The following KATNA1 variants were observed in gnomAD, a reference collection of about 807,000 sequenced individuals.
KATNA1 encodes katanin catalytic subunit A1.
A neutral mutation model predicts 62.6 loss-of-function variants in KATNA1; 42 were observed. That is an observed-to-expected ratio of 0.67 (90% CI 0.52 to 0.87). The LOEUF is 0.87. KATNA1 is among the 40% of genes least tolerant of loss of function. The probability of loss-of-function intolerance (pLI) is 0.00; values close to 1 mark genes in which losing one functional copy is unlikely to be tolerated. For missense variants in KATNA1, 498 were observed against 612.5 expected (o/e 0.81, Z 1.97); for synonymous variants, 186 against 201.9 (o/e 0.92, Z 0.67).
Position 149,623,248 on chromosome 6 carries a change from T to G in KATNA1, c.356A>C (p.Gln119Pro). ...ACCATGTGATTTAGGGTCACTGTAC[T>G]GAGAAGATTGGCGTTTTCTAGGTCC... ...SPGPRKRQSS[Q>P]YSDPKSHGNR... Residue 119 changes from glutamine to proline, a missense_variant, in exon 4 of 11, where the codon CAG becomes CCG. Transcript: ENST00000367411. 1 of 1,602,908 alleles carries G rather than the reference T, an allele frequency of 6.2e-7. No individual in the cohort carries two copies. Among genetic ancestry groups the G allele is most frequent in the Non-Finnish European group, 8.5e-7 (1 of 1,177,456 alleles).
intron 8 of KATNA1, 148 bp from the exon 9 acceptor site, chr6:149,597,789 A>T (rs1778384660): frequency 1.5e-6 from 1 of 674,356 alleles, no homozygotes; most frequent in Non-Finnish European, 2.5e-6. Context: ...GTTAACTGGT[A>T]CCTATGTGAA....
chr6:149,644,952 G>T (rs980500380), intron 1 of KATNA1, among the ~76,000 whole-genome samples: 1 of 152,112 alleles, frequency 6.6e-6, no homozygotes, highest in Non-Finnish European at 1.5e-5. Context: ...CTAATTGTTA[G>T]CCGAAAATAA....
At chr6:149,598,672 G>T (rs1300204169) in intron 7 of KATNA1, among the ~76,000 whole-genome samples, 1 of 151,956 alleles carries the variant, frequency 6.6e-6, no homozygotes, top group African/African-American at 2.4e-5. Flanking sequence ...AGTGAGCTAT[G>T]ATCACACCAC....
chr6:149,638,800 G>T (rs1420934715), intron 1 of KATNA1, among the ~76,000 whole-genome samples: 1 of 129,754 alleles, frequency 7.7e-6, no homozygotes, highest in East Asian at 2.7e-4. Flanking sequence ...GCAATGGCAT[G>T]ATCTCGGCTC....
chr6:149,601,484 T>C, intron 7 of KATNA1, 110 bp downstream of exon 7: 1 of 918,046 alleles, frequency 1.1e-6, no homozygotes, highest in Non-Finnish European at 1.6e-6. Context: ...ACTCATACTC[T>C]GGGCAAAATG....
intron 6 of KATNA1, among the ~76,000 whole-genome samples, chr6:149,603,066 A>G (rs1323316926): frequency 1.3e-5 from 2 of 152,178 alleles, no homozygotes; most frequent in African/African-American, 4.8e-5. Context: ...CAAAGATCAC[A>G]TTGTATGTAT....
chr6:149,610,508 C>T (rs1043050246), intron 4 of KATNA1, among the ~76,000 whole-genome samples: 1 of 152,084 alleles, frequency 6.6e-6, no homozygotes, highest in Non-Finnish European at 1.5e-5. Flanking sequence ...GAAGTATATT[C>T]TCAAAGCACA....
At chr6:149,642,056 C>A (rs1582814043) in intron 1 of KATNA1, among the ~76,000 whole-genome samples, 2 of 152,168 alleles carry the variant, frequency 1.3e-5, no homozygotes, top group South Asian at 4.1e-4. Context: ...GCGCTCACCA[C>A]CATGCCCAGC....
In KATNA1 at chr6:149,626,859, C is replaced by T. The variant is rs79022675; in HGVS notation, c.321-3576G>A. On this transcript the variant is annotated intron_variant, in intron 3 of 10. Coordinates refer to ENST00000367411, the MANE Select transcript of KATNA1 (RefSeq NM_007044.4). ...ATTAGCCTGGCCTGGTGGCAGGCGC[C>T]TATAATCCCAGTTACTTGGAAAGCT... is the stretch of plus-strand genomic sequence containing the variant. 3.7e-3 allele frequency among the ~76,000 whole-genome samples: 554 copies of T among 151,492 alleles called. 13 individuals are homozygous for T. Among genetic ancestry groups the T allele is most frequent in the African/African-American group, 0.013 (528 of 41,112 alleles).
chr6:149,604,631 A>G (rs1554221494), intron 5 of KATNA1, 30 bp downstream of exon 5: 2 of 1,611,830 alleles, frequency 1.2e-6, no homozygotes, highest in South Asian at 2.2e-5. Context: ...CATCACCAGC[A>G]CCCAATTATT....
At chr6:149,601,515 A>G in intron 7 of KATNA1, 79 bp downstream of exon 7, 2 of 1,284,950 alleles carry the variant, frequency 1.6e-6, no homozygotes, top group East Asian at 4.9e-5. Context: ...TAACTATTCC[A>G]TATACTGGAG....
intron 3 of KATNA1, among the ~76,000 whole-genome samples, chr6:149,630,357 G>A (rs1030195165): frequency 9.2e-5 from 14 of 152,198 alleles, no homozygotes; most frequent in Admixed American, 6.5e-5. Context: ...GGCTGGGTGC[G>A]GTGGCTCACG....
chr6:149,647,192 T>C (rs1378752262), intron 1 of KATNA1, among the ~76,000 whole-genome samples: 1 of 151,922 alleles, frequency 6.6e-6, no homozygotes, highest in African/African-American at 2.4e-5. Flanking sequence ...TTGTTAATGT[T>C]AATACAAAAC....
At chr6:149,627,409 C>CA (rs1351094407) in intron 3 of KATNA1, among the ~76,000 whole-genome samples, 1 of 148,772 alleles carries the variant, frequency 6.7e-6, no homozygotes. Context: ...ACTAAAAATA[C>CA]AAAAAAATTA....
Position 149,598,249 on chromosome 6 carries a change from T to G in KATNA1, c.990A>C (p.Lys330Asn). Reference sequence around the variant, plus strand: ...CATCCATCTGAACCAGCAGCTCCGCTTTCACCCTTCTGCTTGCTTCATGTT... The same window carrying G: ...CATCCATCTGAACCAGCAGCTCCGCGTTCACCCTTCTGCTTGCTTCATGTT... ...SEEHEASRRV[K>N]AELLVQMDGV... Residue 330 changes from lysine (K) to asparagine (N), a missense_variant, in exon 8 of 11, where the codon AAA (lysine) becomes AAC (asparagine). Physicochemically the swap from Lys to Asn is moderately conservative, Grantham distance 94. Transcript: ENST00000367411. 1 of 1,613,978 alleles carries G rather than the reference T, an allele frequency of 6.2e-7. No individual in the cohort carries two copies. Among genetic ancestry groups the G allele is most frequent in the Non-Finnish European group, 8.5e-7 (1 of 1,179,998 alleles).
rs769855224 is a variant in KATNA1 at position 149,598,177 on chromosome 6, A to G, written c.1015+47T>C. On this transcript the variant is annotated intron_variant, in intron 8 of 10. Transcript: ENST00000367411. The stretch of plus-strand genomic sequence containing the variant: ...GACCCACTGGAACTGGAGACACCAC[A>G]CCTAACAACCTCCCGTCCCTGTTCA... 3.1e-6 allele frequency: 5 copies of G among 1,605,550 alleles called. No individual in the cohort carries two copies. In the East Asian group the frequency reaches 1.1e-4, roughly 36 times the overall value.
chr6:149,614,906 G>A (rs894049544), intron 4 of KATNA1, among the ~76,000 whole-genome samples: 8 of 152,034 alleles, frequency 5.3e-5, no homozygotes, highest in Non-Finnish European at 8.8e-5. Context: ...GAGGTGAGGC[G>A]GGTGGATCAC....
At chr6:149,631,589 A>C (rs1779843136) in intron 3 of KATNA1, 2 of 151,942 alleles carry the variant, frequency 1.3e-5, no homozygotes, top group Admixed American at 1.3e-4. Context: ...AAAAAACACA[A>C]GTAATCAGAG....
chr6:149,611,077 G>A (rs956156164), intron 4 of KATNA1, among the ~76,000 whole-genome samples: 19 of 151,830 alleles, frequency 1.3e-4, no homozygotes, highest in South Asian at 8.3e-4. Flanking sequence ...GCAAGATTCC[G>A]TCTCAGAAAC....
Sources: allele counts gnomAD v4.1 joint callset (sites outside exome capture counted in the v4.1 genomes callset), GRCh38; gene constraint gnomAD v4.1.1; transcripts MANE v1.5; gene names NCBI Gene and HGNC (gene_info 2026-07-23, HGNC 2026-07-21).